RBFOX1: variants seen among roughly 807,000 people sequenced by gnomAD.
The protein encoded by RBFOX1 is RNA binding fox-1 homolog 1.
In RBFOX1, 8 loss-of-function variants were observed where a neutral mutation model predicts 57.7. The observed-to-expected ratio is 0.14, with a 90% CI of 0.08 to 0.25. RBFOX1 has a LOEUF of 0.25. Among genes scored for constraint, RBFOX1 ranks in the 10% least tolerant of loss-of-function variants. The pLI, the probability that RBFOX1 is intolerant of heterozygous loss-of-function variation, is 1.00. For synonymous variants in RBFOX1, 326 were observed against 222.4 expected (o/e 1.47, Z -4.15); for missense variants, 611 against 548.5 (o/e 1.11, Z -1.14).
At chr16:6,616,159 C>G (rs2098138112) in intron 2 of RBFOX1, among the ~76,000 whole-genome samples, 2 of 152,178 alleles carry the variant, frequency 1.3e-5, no homozygotes, top group Non-Finnish European at 2.9e-5. Flanking sequence ...GCAAATTTTT[C>G]ATCATTGTAT....
At chr16:6,558,429 A>T (rs1467231201) in intron 2 of RBFOX1, among the ~76,000 whole-genome samples, 2 of 152,150 alleles carry the variant, frequency 1.3e-5, no homozygotes, top group African/African-American at 4.8e-5. Context: ...TTTTAGTTTT[A>T]GAAAACATGG....
chr16:5,700,060 C>G (rs1403272062), intron 3 of RBFOX1, among the ~76,000 whole-genome samples: 1 of 152,140 alleles, frequency 6.6e-6, no homozygotes, highest in African/African-American at 2.4e-5. Context: ...TTTCGATCTC[C>G]TGACCTCATG....
At chr16:6,499,563 A>G (rs958040210) in intron 2 of RBFOX1, among the ~76,000 whole-genome samples, 1 of 152,158 alleles carries the variant, frequency 6.6e-6, no homozygotes, top group Non-Finnish European at 1.5e-5. Flanking sequence ...CGTGTGAGCC[A>G]TGATTCCAAG....
rs116075562 is a variant in RBFOX1 at position 7,252,847 on chromosome 16, C to T, written c.27+200749C>T. Among the ~76,000 whole-genome samples the T allele has an allele frequency of 4.0e-3, 605 of 152,132 alleles. 9 individuals carry two copies. The highest frequency in any genetic ancestry group is 0.014 in the African/African-American group (566 of 41,492). On this transcript the variant is annotated intron_variant, in intron 4 of 15. Coordinates refer to ENST00000550418, the MANE Select transcript of RBFOX1 (RefSeq NM_018723.4). Reference sequence around the variant, plus strand: ...TGTGAACGTGGTACCTAAATTCAGACCAAGTGATCTTTCCCTAACTCATAT... The same window carrying T: ...TGTGAACGTGGTACCTAAATTCAGATCAAGTGATCTTTCCCTAACTCATAT...
At chr16:7,681,032 G>A (rs539298323) in intron 14 of RBFOX1, among the ~76,000 whole-genome samples, 5 of 152,176 alleles carry the variant, frequency 3.3e-5, no homozygotes, top group South Asian at 2.1e-4. Context: ...GCTAGAGAAC[G>A]TAAGTTAAAT....
chr16:5,683,665 C>T (rs2050414714), intron 3 of RBFOX1, among the ~76,000 whole-genome samples: 3 of 151,914 alleles, frequency 2.0e-5, no homozygotes, highest in South Asian at 4.2e-4. Flanking sequence ...TCTCTCCTTG[C>T]TCCTCAGCTT....
At chr16:6,767,254 G>C (rs957540259) in intron 3 of RBFOX1, among the ~76,000 whole-genome samples, 1 of 152,020 alleles carries the variant, frequency 6.6e-6, no homozygotes, top group Non-Finnish European at 1.5e-5. Context: ...AGATGACCAA[G>C]TGGCTCAAGT....
At chr16:7,148,099 T>A (rs7200141) in intron 4 of RBFOX1, among the ~76,000 whole-genome samples, 2,891 of 152,194 alleles carry the variant, frequency 0.019, 120 homozygotes, top group African/African-American at 0.065. Flanking sequence ...TCACAGCCAA[T>A]CTCTAGGAAG....
intron 4 of RBFOX1, among the ~76,000 whole-genome samples, chr16:7,213,777 A>C (rs2091566274): frequency 1.3e-5 from 2 of 152,182 alleles, no homozygotes; most frequent in African/African-American, 4.8e-5. Context: ...GCCATAAACC[A>C]ACTCAAATCT....
chr16:5,805,342 A>G (rs532701405), intron 3 of RBFOX1, among the ~76,000 whole-genome samples: 1 of 152,338 alleles, frequency 6.6e-6, no homozygotes, highest in South Asian at 2.1e-4. Flanking sequence ...ATAAATTAGC[A>G]TCCATAAGTT....
At chr16:5,997,228 C>T (rs2060506541) in intron 4 of RBFOX1, among the ~76,000 whole-genome samples, 1 of 152,210 alleles carries the variant, frequency 6.6e-6, no homozygotes, top group South Asian at 2.1e-4. Flanking sequence ...CCAGGTCAGC[C>T]TCCTGCCTGG....
chr16:7,015,563 G>T (rs939702503), intron 3 of RBFOX1, among the ~76,000 whole-genome samples: 4 of 152,110 alleles, frequency 2.6e-5, no homozygotes, highest in African/African-American at 9.7e-5. Flanking sequence ...TTGGATAGAA[G>T]GTTGTTCACA....
intron 3 of RBFOX1, among the ~76,000 whole-genome samples, chr16:6,810,633 A>AAT (rs1455302989): frequency 6.6e-6 from 1 of 152,116 alleles, no homozygotes; most frequent in Admixed American, 6.6e-5. Context: ...GGTATTTTAT[A>AAT]AAGGAAAGAG....
rs543039746 is a variant in RBFOX1 at position 6,564,852 on chromosome 16, C to A, written c.-63-89751C>A. On this transcript the variant is annotated intron_variant, in intron 2 of 15. Transcript: ENST00000550418. ...ATTTAAAAATTTTTTAAAATTAAAG[C>A]ATTTGCGGCTGGGCACGGTGGCTCA... Among the ~76,000 whole-genome samples the A allele has an allele frequency of 8.3e-4, 127 of 152,142 alleles. 1 individual carries two copies. The highest frequency in any genetic ancestry group is 2.9e-3 in the African/African-American group (121 of 41,492).
intron 3 of RBFOX1, among the ~76,000 whole-genome samples, chr16:6,956,343 A>G (rs62019562): frequency 0.16 from 24,440 of 152,120 alleles, 2,151 homozygotes; most frequent in Non-Finnish European, 0.19. Flanking sequence ...TATTCCCCAA[A>G]GTATTTTGCT....
Position 5,952,535 on chromosome 16 carries a change from C to T in RBFOX1, c.351+85200C>T, listed in dbSNP as rs538926323. Among the ~76,000 whole-genome samples, 11 of 152,292 alleles carry T rather than the reference C, an allele frequency of 7.2e-5. No individual in the cohort carries two copies. The South Asian group carries it at 2.1e-3, about 29-fold the overall frequency. ...CCACTGACCTCAGGTGATCTGCCCA[C>T]CTTGGCCTTCCAAAGTGCTAAGATT... On this transcript the variant is annotated intron_variant, in intron 4 of 19. Transcript: ENST00000641259.
At chr16:6,159,131 C>G (rs2096859224) in intron 1 of RBFOX1, among the ~76,000 whole-genome samples, 1 of 152,068 alleles carries the variant, frequency 6.6e-6, no homozygotes, top group Admixed American at 6.6e-5. Flanking sequence ...GGCTGGAGTT[C>G]ATTGGCGTGA....
chr16:7,692,180 A>G (rs2147495112), intron 14 of RBFOX1, among the ~76,000 whole-genome samples: 1 of 152,280 alleles, frequency 6.6e-6, no homozygotes, highest in East Asian at 1.9e-4. Context: ...GAAAGTGATA[A>G]ACTTAGTTGT....
chr16:5,787,925 G>C (rs1255491254), intron 3 of RBFOX1, among the ~76,000 whole-genome samples: 1 of 152,182 alleles, frequency 6.6e-6, no homozygotes, highest in Non-Finnish European at 1.5e-5. Context: ...CTGAAGATTT[G>C]GGCAGAGACA....
Sources: allele counts gnomAD v4.1 joint callset (sites outside exome capture counted in the v4.1 genomes callset), GRCh38; gene constraint gnomAD v4.1.1; transcripts MANE v1.5; gene names NCBI Gene and HGNC (gene_info 2026-07-23, HGNC 2026-07-21).